Variants in DNAJC3 observed in about 807,000 individuals in gnomAD.
The protein encoded by DNAJC3 is DnaJ heat shock protein family (Hsp40) member C3.
In DNAJC3, 38 loss-of-function variants were observed where a neutral mutation model predicts 68.6. The ratio of observed to expected loss-of-function variants is 0.55; its 90% confidence interval spans 0.43 to 0.73. The LOEUF (loss-of-function observed/expected upper bound fraction) is 0.73. Among genes scored for constraint, DNAJC3 ranks in the 30% least tolerant of loss-of-function variants. DNAJC3 has a pLI of 0.00. For missense variants in DNAJC3, 526 were observed against 591.9 expected, an observed-to-expected ratio of 0.89 and a Z score of 1.16; for synonymous variants, 203 against 204.0, an observed-to-expected ratio of 1.00 and a Z score of 0.04.
At chr13:95,702,298 T>A (rs181865975) in intron 1 of DNAJC3, among the ~76,000 whole-genome samples, 148 of 152,312 alleles carry the variant, frequency 9.7e-4, no homozygotes, top group African/African-American at 3.4e-3. Flanking sequence ...TTGATTTTCT[T>A]CTGTAATGTC....
At position 95,764,645 on chromosome 13, in the gene DNAJC3, CATATATATATATATATATAT is replaced by C. The variant is rs755441205; in HGVS notation, c.1075+712_1075+731del. 2.4e-3 allele frequency among the ~76,000 whole-genome samples: 135 copies of C among 56,518 alleles called. 1 individual carries two copies. In the East Asian group the frequency reaches 0.057, roughly 24 times the overall value. 37.1% of individuals were successfully genotyped at this position (56,518 alleles called of 152,430 possible). ...TATACAGTTTTTGAAAAATAGAATC[CATATATATATATATATATAT>C]ATATATATATATATATATACACACA... On this transcript the variant is annotated intron_variant, in intron 9 of 11. Coordinates refer to ENST00000602402, the MANE Select transcript of DNAJC3 (RefSeq NM_006260.5).
At chr13:95,739,813 G>A (rs971560186) in intron 4 of DNAJC3, among the ~76,000 whole-genome samples, 27 of 152,132 alleles carry the variant, frequency 1.8e-4, no homozygotes, top group African/African-American at 6.5e-4. Context: ...CTCTCAGCTC[G>A]TCAAAGTCAT....
chr13:95,730,254 A>G (rs538697259), intron 4 of DNAJC3, among the ~76,000 whole-genome samples: 31 of 152,272 alleles, frequency 2.0e-4, no homozygotes, highest in Admixed American at 1.3e-3. Context: ...TTGGCCTCCC[A>G]AAGTGGTAGG....
intron 5 of DNAJC3, 97 bp downstream of exon 5, chr13:95,757,893 G>GAT (rs1461708428): frequency 2.3e-6 from 3 of 1,312,688 alleles, no homozygotes; most frequent in Non-Finnish European, 3.0e-6. Flanking sequence ...ACCTAGACAG[G>GAT]AGAAAATCAG....
intron 4 of DNAJC3, among the ~76,000 whole-genome samples, chr13:95,755,789 TA>T (rs1177469938): frequency 2.1e-3 from 187 of 89,776 alleles, no homozygotes; most frequent in African/African-American, 7.5e-3. Context: ...AAAAAAAGAA[TA>T]AAAAAAAATC....
chr13:95,710,500 AG>A (rs1217004745), intron 2 of DNAJC3, among the ~76,000 whole-genome samples: 5 of 151,958 alleles, frequency 3.3e-5, no homozygotes, highest in African/African-American at 1.2e-4. Flanking sequence ...TAGAGTGTTG[AG>A]ATTGTATGCA....
At chr13:95,680,321 A>G (rs1348740682) in intron 1 of DNAJC3, among the ~76,000 whole-genome samples, 1 of 152,132 alleles carries the variant, frequency 6.6e-6, no homozygotes, top group Non-Finnish European at 1.5e-5. Flanking sequence ...TATTTTGGCC[A>G]TGGGGAAAAG....
intron 4 of DNAJC3, among the ~76,000 whole-genome samples, chr13:95,729,635 A>G (rs1191322099): frequency 6.6e-6 from 1 of 152,052 alleles, no homozygotes; most frequent in African/African-American, 2.4e-5. Context: ...AACAGCGTAT[A>G]AGAGTTCCCT....
At chr13:95,693,521 C>T (rs745363670) in intron 1 of DNAJC3, 5 of 152,136 alleles carry the variant, frequency 3.3e-5, no homozygotes, top group Non-Finnish European at 7.3e-5. Context: ...CACTGGATTT[C>T]TTATCAGCAA....
intron 4 of DNAJC3, among the ~76,000 whole-genome samples, chr13:95,755,584 C>T (rs915329970): frequency 2.0e-5 from 3 of 151,362 alleles, no homozygotes; most frequent in Non-Finnish European, 4.4e-5. Context: ...TGGTGAAACA[C>T]CATCTCTACT....
At chr13:95,779,309 A>G (rs1257948922) in intron 9 of DNAJC3, among the ~76,000 whole-genome samples, 2 of 151,816 alleles carry the variant, frequency 1.3e-5, no homozygotes, top group Non-Finnish European at 2.9e-5. Context: ...ATTTTTTAGT[A>G]GAGACGGGGT....
intron 1 of DNAJC3, among the ~76,000 whole-genome samples, chr13:95,677,844 A>G (rs17879680): frequency 0.013 from 1,955 of 152,270 alleles, 48 homozygotes; most frequent in African/African-American, 0.045. Flanking sequence ...AAAAGTGTGT[A>G]ACCATCCCCA....
intron 9 of DNAJC3, among the ~76,000 whole-genome samples, chr13:95,770,801 C>T (rs1883135301): frequency 6.6e-6 from 1 of 152,152 alleles, no homozygotes; most frequent in African/African-American, 2.4e-5. Context: ...GGGCTCATAA[C>T]GAGGCTGTAT....
chr13:95,680,562 ATTATT>A, intron 1 of DNAJC3, among the ~76,000 whole-genome samples: 1 of 152,208 alleles, frequency 6.6e-6, no homozygotes, highest in East Asian at 1.9e-4. Context: ...ATTTTCTAGA[ATTATT>A]TTAAATTCTT....
chr13:95,753,576 C>T (rs1009184172), intron 4 of DNAJC3, among the ~76,000 whole-genome samples: 5 of 152,068 alleles, frequency 3.3e-5, no homozygotes, highest in Non-Finnish European at 5.9e-5. Flanking sequence ...ATTAGCAATT[C>T]ATTGAATATA....
At position 95,791,255 on chromosome 13, in the gene DNAJC3, C is replaced by T. The variant is rs1883764477; in HGVS notation, c.*225C>T. ...GTTCTATTTCTGACAGAGCAGCCTGCATCTGCTTTATGCTGTCTGGAGGGA... is the reference window on the plus strand; with the variant it reads ...GTTCTATTTCTGACAGAGCAGCCTGTATCTGCTTTATGCTGTCTGGAGGGA... On this transcript the variant is annotated 3_prime_UTR_variant, in exon 12 of 12. Coordinates refer to ENST00000602402, the MANE Select transcript of DNAJC3 (RefSeq NM_006260.5). The T allele has an allele frequency of 1.8e-6, 1 of 552,198 alleles. No homozygotes were observed. Among genetic ancestry groups the T allele is most frequent in the Admixed American group, 3.2e-5 (1 of 31,082 alleles). 34.2% of individuals were successfully genotyped at this position (552,198 alleles called of 1,614,324 possible). A position where few individuals can be genotyped will look rare whatever the true frequency, so the allele number is the denominator to read the frequency against.
At chr13:95,684,309 G>T (rs1880011727) in intron 1 of DNAJC3, among the ~76,000 whole-genome samples, 1 of 152,160 alleles carries the variant, frequency 6.6e-6, no homozygotes, top group Admixed American at 6.5e-5. Context: ...TGGTGGCATT[G>T]TACCCCTGGT....
intron 9 of DNAJC3, among the ~76,000 whole-genome samples, chr13:95,765,862 T>C (rs1019570597): frequency 1.5e-4 from 23 of 152,100 alleles, no homozygotes; most frequent in African/African-American, 4.6e-4. Context: ...CCCTGCCCAA[T>C]TGATATGTCT....
chr13:95,776,880 C>G (rs1452357345), intron 9 of DNAJC3, among the ~76,000 whole-genome samples: 2 of 152,204 alleles, frequency 1.3e-5, no homozygotes, highest in African/African-American at 2.4e-5. Context: ...ACTCCCTCAT[C>G]ATCCTTCCCC....
Sources: gnomAD v4.1 joint callset for allele counts (sites outside exome capture counted in the v4.1 genomes callset) on GRCh38, gnomAD v4.1.1 for gene constraint, MANE v1.5 for transcripts, NCBI Gene and HGNC (gene_info 2026-07-23, HGNC 2026-07-21) for gene names.